SPHKAP: variants seen among roughly 807,000 people sequenced by gnomAD.
SPHKAP encodes A-kinase anchor protein SPHKAP.
SPHKAP carries 67 observed loss-of-function variants against 137.5 expected under a neutral mutation model. That is an observed-to-expected ratio of 0.49 (90% confidence interval 0.40 to 0.60). The LOEUF (loss-of-function observed/expected upper bound fraction) is 0.60, where lower values mean the gene tolerates loss of function less well. SPHKAP is among the 20% of genes least tolerant of loss of function. The pLI is 0.00. For synonymous variants in SPHKAP, 813 were observed against 785.3 expected, an observed-to-expected ratio of 1.04 and a Z score of -0.59; for missense variants, 2,097 against 2,069.3, an observed-to-expected ratio of 1.01 and a Z score of -0.26.
At chr2:228,053,068 C>T (rs11691806) in intron 3 of SPHKAP, among the ~76,000 whole-genome samples, 1 of 152,058 alleles carries the variant, frequency 6.6e-6, no homozygotes, top group Non-Finnish European at 1.5e-5. Flanking sequence ...GATCAGGGTG[C>T]CTGCTGACTT....
At chr2:228,032,456 T>C (rs1680785196) in intron 3 of SPHKAP, among the ~76,000 whole-genome samples, 1 of 152,182 alleles carries the variant, frequency 6.6e-6, no homozygotes, top group African/African-American at 2.4e-5. Flanking sequence ...GAAAACACTC[T>C]GCAGGATGTT....
At chr2:228,055,874 G>T (rs1446282557) in intron 3 of SPHKAP, among the ~76,000 whole-genome samples, 1 of 152,158 alleles carries the variant, frequency 6.6e-6, no homozygotes, top group Non-Finnish European at 1.5e-5. Context: ...GTTTCATTGG[G>T]CATATTGCTG....
intron 3 of SPHKAP, among the ~76,000 whole-genome samples, chr2:228,048,131 C>T (rs917337764): frequency 3.9e-5 from 6 of 152,148 alleles, no homozygotes; most frequent in African/African-American, 1.4e-4. Flanking sequence ...GGACACCATG[C>T]TCCTTGAAAT....
At chr2:228,062,224 GA>G (rs1696669737) in intron 3 of SPHKAP, among the ~76,000 whole-genome samples, 1 of 148,884 alleles carries the variant, frequency 6.7e-6, no homozygotes, top group Non-Finnish European at 1.5e-5. Context: ...TCCTGGGTTC[GA>G]ACAATTCTCC....
chr2:228,090,665 T>G (rs1697697269), intron 3 of SPHKAP, among the ~76,000 whole-genome samples: 1 of 152,208 alleles, frequency 6.6e-6, no homozygotes, highest in African/African-American at 2.4e-5. Flanking sequence ...TGGGGGCAGA[T>G]TCTTCATCAA....
intron 1 of SPHKAP, among the ~76,000 whole-genome samples, chr2:228,159,411 G>C (rs1041596902): frequency 1.3e-5 from 2 of 152,096 alleles, no homozygotes; most frequent in African/African-American, 4.8e-5. Context: ...ATCTTCATGA[G>C]AGGAGGGGCT....
chr2:228,151,168 G>A (rs1407412823), intron 1 of SPHKAP, among the ~76,000 whole-genome samples: 2 of 150,518 alleles, frequency 1.3e-5, no homozygotes, highest in Non-Finnish European at 2.9e-5. Flanking sequence ...CCATCTATGA[G>A]TGAGAACATG....
In SPHKAP at chr2:228,181,608, G is replaced by T. The variant is rs1460666086; in HGVS notation, c.-10C>A. The T allele has an allele frequency of 6.2e-7, 1 of 1,613,988 alleles. No individual in the cohort carries two copies. The highest frequency in any genetic ancestry group is 1.3e-5 in the African/African-American group (1 of 74,890). On this transcript the variant is annotated 5_prime_UTR_variant, in exon 1 of 12. Transcript: ENST00000392056. This position sits in a 1 kb window ranked among gnomAD's most constrained non-coding sequence, Gnocchi z 4.3. Reference sequence around the variant, plus strand: ...GGGAGTTGCCATCCATTGTTGGTGGGCGCCCAGAGAAGAAAGACGGAAAGT... The same window carrying T: ...GGGAGTTGCCATCCATTGTTGGTGGTCGCCCAGAGAAGAAAGACGGAAAGT...
At chr2:228,013,003 A>T (rs1694447098) in intron 7 of SPHKAP, among the ~76,000 whole-genome samples, 1 of 152,202 alleles carries the variant, frequency 6.6e-6, no homozygotes, top group African/African-American at 2.4e-5. Context: ...GTAGCCTAAA[A>T]TTATTTTCAG....
chr2:228,009,381 C>G lies in SPHKAP; in HGVS notation c.4448+7025G>C, dbSNP rs139615870. Among the ~76,000 whole-genome samples the G allele has an allele frequency of 1.3e-4, 20 of 152,160 alleles. 1 individual carries two copies. The highest frequency in any genetic ancestry group is 4.8e-4 in the African/African-American group (20 of 41,530). On this transcript the variant is annotated intron_variant, in intron 7 of 11. Coordinates refer to ENST00000392056, the MANE Select transcript of SPHKAP (RefSeq NM_001142644.2). ...GTTGATCCTGCTTAGAGTTATATTT[C>G]TTAATTTGTGAGTTTATAACTTTCA...
intron 1 of SPHKAP, among the ~76,000 whole-genome samples, chr2:228,153,202 A>G (rs528618175): frequency 1.6e-4 from 25 of 152,232 alleles, no homozygotes; most frequent in Admixed American, 1.6e-3. Flanking sequence ...AAACGGACTA[A>G]TGCACCCTCC....
chr2:228,052,890 T>C (rs1696308480), intron 3 of SPHKAP, among the ~76,000 whole-genome samples: 1 of 152,174 alleles, frequency 6.6e-6, no homozygotes, highest in Admixed American at 6.6e-5. Flanking sequence ...TGGATTTCTC[T>C]CTAGGTTGAT....
chr2:228,082,708 C>T (rs1697401749), intron 3 of SPHKAP, among the ~76,000 whole-genome samples: 1 of 152,156 alleles, frequency 6.6e-6, no homozygotes, highest in African/African-American at 2.4e-5. Context: ...GTGGATTATT[C>T]TTGGCTCCAC....
At chr2:228,051,768 G>A (rs1185533183) in intron 3 of SPHKAP, among the ~76,000 whole-genome samples, 1 of 152,164 alleles carries the variant, frequency 6.6e-6, no homozygotes, top group Non-Finnish European at 1.5e-5. Context: ...CTGAAGGTTG[G>A]GAAGTCCAAA....
intron 3 of SPHKAP, among the ~76,000 whole-genome samples, chr2:228,073,600 A>C (rs1697073918): frequency 6.6e-6 from 1 of 152,222 alleles, no homozygotes; most frequent in Non-Finnish European, 1.5e-5. Context: ...ACACTTCAGG[A>C]ATCTTTGTGT....
rs541176035 is a variant in SPHKAP at position 228,040,004 on chromosome 2, G to A, written c.247-12461C>T. On this transcript the variant is annotated intron_variant, in intron 3 of 11. Coordinates refer to ENST00000392056, the MANE Select transcript of SPHKAP (RefSeq NM_001142644.2). ...ACAGCAGGGTTTTAGCCTAGGAGGT[G>A]AGCCCTTTGATTTCCTCTGCTTGAT... Among the ~76,000 whole-genome samples the A allele has an allele frequency of 2.6e-5, 4 of 152,266 alleles. No homozygotes were observed. The South Asian group carries it at 8.3e-4, about 32-fold the overall frequency.
At chr2:228,076,227 G>C (rs1289069566) in intron 3 of SPHKAP, among the ~76,000 whole-genome samples, 2 of 152,174 alleles carry the variant, frequency 1.3e-5, no homozygotes, top group Non-Finnish European at 2.9e-5. Flanking sequence ...AAATTACCCA[G>C]TCTCAGGTGT....
chr2:228,168,248 A>G (rs1700478414), intron 1 of SPHKAP, among the ~76,000 whole-genome samples: 1 of 152,160 alleles, frequency 6.6e-6, no homozygotes, highest in Non-Finnish European at 1.5e-5. Flanking sequence ...TTTAAAGAAA[A>G]TGATTGCTCT....
intron 3 of SPHKAP, among the ~76,000 whole-genome samples, chr2:228,073,967 G>C (rs1399466150): frequency 6.6e-6 from 1 of 152,170 alleles, no homozygotes; most frequent in Admixed American, 6.5e-5. Context: ...AATTAGGAGA[G>C]AACCACACTG....
Sources: gnomAD v4.1 joint callset for allele counts (sites outside exome capture counted in the v4.1 genomes callset) on GRCh38, gnomAD v4.1.1 for gene constraint, Gnocchi (gnomAD v3.1) non-coding constraint, MANE v1.5 for transcripts, NCBI Gene and HGNC (gene_info 2026-07-23, HGNC 2026-07-21) for gene names.